Variants in BDNF observed in about 807,000 individuals in gnomAD.
The protein encoded by BDNF is neurotrophic factor BDNF precursor form.
A neutral mutation model predicts 19.5 loss-of-function variants in BDNF; 1 was observed. The observed-to-expected ratio is 0.05, with a 90% CI of 0.02 to 0.24. The LOEUF (loss-of-function observed/expected upper bound fraction) is 0.24, where lower values mean the gene tolerates loss of function less well. Among genes scored for constraint, BDNF ranks in the 10% least tolerant of loss-of-function variants. BDNF has a pLI of 1.00. For missense variants in BDNF, 195 were observed against 317.6 expected (o/e 0.61, Z 2.93); for synonymous variants, 100 against 121.6 (o/e 0.82, Z 1.17).
Position 27,657,370 on chromosome 11 carries a change from TAAAACAGATATAGTACTAAC to T in BDNF, c.*431_*450del, listed in dbSNP as rs1263523048. ...CAACGCTATCAGAAGTTAAAAGCAGTAAAACAGATATAGTACTAACAAGAACGAAGATACTTACTGTCTAA... is the reference window on the plus strand; with the variant it reads ...CAACGCTATCAGAAGTTAAAAGCAGTAAGAACGAAGATACTTACTGTCTAA... On this transcript the variant is annotated 3_prime_UTR_variant, in exon 2 of 2. Transcript: ENST00000356660. The surrounding 1 kb of genome is among the most constrained non-coding windows in gnomAD (Gnocchi z 5.0). 1 of 1,004,086 alleles carries T rather than the reference TAAAACAGATATAGTACTAAC, an allele frequency of 1.0e-6. No homozygotes were observed. Among genetic ancestry groups the T allele is most frequent in the Non-Finnish European group, 1.2e-6 (1 of 840,850 alleles). 62.2% of individuals were successfully genotyped at this position (1,004,086 alleles called of 1,614,324 possible).
intron 1 of BDNF, among the ~76,000 whole-genome samples, chr11:27,707,706 G>T (rs1360589249): frequency 6.6e-6 from 1 of 152,206 alleles, no homozygotes; most frequent in Non-Finnish European, 1.5e-5. Context: ...AATGGGGAAT[G>T]AATTGGTGAG....
rs1852923286 is a variant in BDNF, at chr11:27,658,789, C to G, written c.-21-204G>C. Reference sequence around the variant, plus strand: ...TGGTTTAATATAAACCAGAGACATGCAGTGTTTCCCCCAAGATCTAGCATA... The same window carrying G: ...TGGTTTAATATAAACCAGAGACATGGAGTGTTTCCCCCAAGATCTAGCATA... On this transcript the variant is annotated intron_variant, in intron 1 of 1. Transcript: ENST00000356660. The surrounding 1 kb of genome is among the most constrained non-coding windows in gnomAD (Gnocchi z 5.7). 2.8e-6 allele frequency: 4 copies of G among 1,446,752 alleles called. No homozygotes were observed. The highest frequency in any genetic ancestry group is 3.6e-6 in the Non-Finnish European group (4 of 1,098,974). The allele number at this position is 1,446,752 out of a possible 1,614,324, so 89.6% of individuals were successfully genotyped here.
intron 1 of BDNF, among the ~76,000 whole-genome samples, chr11:27,717,021 T>C (rs1044196594): frequency 2.6e-5 from 4 of 152,188 alleles, no homozygotes; most frequent in African/African-American, 9.7e-5. Flanking sequence ...CTGCCTGATT[T>C]TGGAATGTTG....
upstream of BDNF, among the ~76,000 whole-genome samples, chr11:27,701,814 T>G (rs1438637033): frequency 6.6e-6 from 1 of 152,202 alleles, no homozygotes; most frequent in Non-Finnish European, 1.5e-5. Flanking sequence ...GCAGATGTTT[T>G]CACTTCCAGC....
chr11:27,693,134 T>G (rs1858525264), intron 1 of BDNF, among the ~76,000 whole-genome samples: 1 of 152,238 alleles, frequency 6.6e-6, no homozygotes, highest in South Asian at 2.1e-4. Flanking sequence ...CTAAAACAAC[T>G]TATTTCATTT....
At chr11:27,715,957 T>G (rs1409700229) in intron 1 of BDNF, among the ~76,000 whole-genome samples, 1 of 152,204 alleles carries the variant, frequency 6.6e-6, no homozygotes, top group South Asian at 2.1e-4. Context: ...TAGGATTGTT[T>G]TATAATGTTG....
intron 1 of BDNF, among the ~76,000 whole-genome samples, chr11:27,673,313 A>G (rs754380363): frequency 6.6e-5 from 10 of 152,150 alleles, no homozygotes; most frequent in Non-Finnish European, 1.2e-4. Context: ...AGAACATGCA[A>G]TAATTCTCAG....
chr11:27,687,234 C>T (rs1049064420), intron 1 of BDNF, among the ~76,000 whole-genome samples: 2 of 152,130 alleles, frequency 1.3e-5, no homozygotes, highest in East Asian at 1.9e-4. Context: ...ACAGAGTTCT[C>T]GTGCTGTGTT....
intron 1 of BDNF, among the ~76,000 whole-genome samples, chr11:27,711,253 A>G (rs1860315077): frequency 1.3e-5 from 2 of 152,212 alleles, no homozygotes; most frequent in Admixed American, 1.3e-4. Context: ...GAACTAAGGA[A>G]ATGCAGAATG....
chr11:27,696,045 A>C (rs1408177734), intron 1 of BDNF, among the ~76,000 whole-genome samples: 1 of 152,162 alleles, frequency 6.6e-6, no homozygotes, highest in Admixed American at 6.5e-5. Context: ...ATGTCAGTAC[A>C]TTAGTGAGCT....
At chr11:27,715,320 A>G (rs993046277) in intron 1 of BDNF, among the ~76,000 whole-genome samples, 13 of 152,208 alleles carry the variant, frequency 8.5e-5, no homozygotes, top group Admixed American at 6.5e-4. Context: ...TTCATGTATC[A>G]GATATGAGCT....
At chr11:27,698,699 C>T (rs907861706) in intron 1 of BDNF, among the ~76,000 whole-genome samples, 2 of 152,064 alleles carry the variant, frequency 1.3e-5, no homozygotes, top group East Asian at 3.8e-4. Flanking sequence ...TCAACGTTCC[C>T]AATTACATAT....
Position 27,657,670 on chromosome 11 carries a change from G to C in BDNF, c.*151C>G. The C allele has an allele frequency of 6.9e-7, 1 of 1,444,844 alleles. No homozygotes were observed. The highest frequency in any genetic ancestry group is 9.0e-7 in the Non-Finnish European group (1 of 1,107,106). 89.5% of individuals were successfully genotyped at this position (1,444,844 alleles called of 1,614,324 possible). A position where few individuals can be genotyped will look rare whatever the true frequency, so the allele number is the denominator to read the frequency against. On this transcript the variant is annotated 3_prime_UTR_variant, in exon 2 of 2. Transcript: ENST00000356660. This position sits in a 1 kb window ranked among gnomAD's most constrained non-coding sequence, Gnocchi z 5.0. ...TGGTCATGGACATGTCCAATAAATA[G>C]ATTGTAGAACCACTGTACTGTATAA...
rs148102034 is a variant in BDNF at position 27,657,571 on chromosome 11, G to A, written c.*250C>T. The A allele has an allele frequency of 2.3e-4, 279 of 1,237,734 alleles. No individual in the cohort carries two copies. The highest frequency in any genetic ancestry group is 3.2e-4 in the Middle Eastern group (1 of 3,106). 76.7% of individuals were successfully genotyped at this position (1,237,734 alleles called of 1,614,324 possible). A position where few individuals can be genotyped will look rare whatever the true frequency, so the allele number is the denominator to read the frequency against. ...TTTTATGTTTTCAGTTCTTGGCAACGGCAACAAACCACAACATTATCAAGG... is the reference window on the plus strand; with the variant it reads ...TTTTATGTTTTCAGTTCTTGGCAACAGCAACAAACCACAACATTATCAAGG... On this transcript the variant is annotated 3_prime_UTR_variant, in exon 2 of 2. Coordinates refer to ENST00000356660, the MANE Select transcript of BDNF (RefSeq NM_001709.5). The surrounding 1 kb of genome is among the most constrained non-coding windows in gnomAD (Gnocchi z 5.0).
intron 1 of BDNF, chr11:27,720,224 G>T: frequency 1.4e-6 from 1 of 700,512 alleles, no homozygotes; most frequent in Non-Finnish European, 1.8e-6. Context: ...CAAATACCAA[G>T]AAACAACCCC....
At chr11:27,680,174 T>C (rs1590348701) in intron 1 of BDNF, among the ~76,000 whole-genome samples, 1 of 152,204 alleles carries the variant, frequency 6.6e-6, no homozygotes, top group South Asian at 2.1e-4. Flanking sequence ...ATTTCTGCCC[T>C]TGGGGACTGC....
chr11:27,674,241 A>T (rs1259467589), intron 1 of BDNF: 1 of 1,588,724 alleles, frequency 6.3e-7, no homozygotes, highest in Non-Finnish European at 8.6e-7. Flanking sequence ...AGTAACAAGG[A>T]TTAACCTTGT....
intron 1 of BDNF, among the ~76,000 whole-genome samples, chr11:27,687,604 C>G (rs1222589358): frequency 6.6e-6 from 1 of 152,164 alleles, no homozygotes; most frequent in Non-Finnish European, 1.5e-5. Flanking sequence ...GTGTGGACAT[C>G]CTTTTTGTTG....
intron 1 of BDNF, among the ~76,000 whole-genome samples, chr11:27,693,298 T>G (rs1383754111): frequency 6.6e-6 from 1 of 152,220 alleles, no homozygotes; most frequent in Non-Finnish European, 1.5e-5. Context: ...TATACTGAAC[T>G]TGCAGTTAAT....
Sources: allele counts gnomAD v4.1 joint callset (sites outside exome capture counted in the v4.1 genomes callset), GRCh38; gene constraint gnomAD v4.1.1; non-coding constraint Gnocchi (gnomAD v3.1); transcripts MANE v1.5; gene names NCBI Gene and HGNC (gene_info 2026-07-23, HGNC 2026-07-21).